KIAA0586: variants seen among roughly 807,000 people sequenced by gnomAD.
KIAA0586 encodes KIAA0586, also known as protein TALPID3.
Under a neutral mutation model 169.8 loss-of-function variants are expected in KIAA0586, and 144 were observed. The observed-to-expected ratio is 0.85, with a 90% CI of 0.74 to 0.97. The LOEUF (loss-of-function observed/expected upper bound fraction) is 0.97, where lower values mean the gene tolerates loss of function less well. Ranked by LOEUF, KIAA0586 falls within the 50% of genes least tolerant of loss-of-function variation. KIAA0586 has a pLI of 0.00. For missense variants in KIAA0586, 1,854 were observed against 1,823.0 expected (o/e 1.02, Z -0.31); for synonymous variants, 625 against 612.4 (o/e 1.02, Z -0.30).
intron 27 of KIAA0586, among the ~76,000 whole-genome samples, chr14:58,500,089 T>C (rs1333547449): frequency 6.6e-6 from 1 of 152,248 alleles, no homozygotes; most frequent in East Asian, 1.9e-4. Flanking sequence ...CTAGCATATA[T>C]AGTTGACTCT....
chr14:58,450,546 CAAGTT>C (rs2039281360), intron 7 of KIAA0586, 28 bp from the exon 8 acceptor site: 1 of 1,329,890 alleles, frequency 7.5e-7, no homozygotes. Context: ...TTTTTAAAAG[CAAGTT>C]AAGTTTTTAA....
chr14:58,434,252 G>A (rs1454470716), intron 4 of KIAA0586, among the ~76,000 whole-genome samples: 1 of 152,122 alleles, frequency 6.6e-6, no homozygotes, highest in African/African-American at 2.4e-5. Context: ...AGAATACAGT[G>A]TATTAAGAAT....
intron 27 of KIAA0586, among the ~76,000 whole-genome samples, chr14:58,506,749 C>G (rs890073903): frequency 8.6e-5 from 13 of 151,792 alleles, no homozygotes; most frequent in Non-Finnish European, 2.9e-5. Context: ...CATTGAAAAC[C>G]TAGATTAACA....
intron 9 of KIAA0586, among the ~76,000 whole-genome samples, chr14:58,455,199 A>G (rs944505270): frequency 2.0e-5 from 3 of 151,318 alleles, no homozygotes; most frequent in Non-Finnish European, 4.4e-5. Flanking sequence ...AATGTTTTCT[A>G]TCTCTATTGA....
intron 17 of KIAA0586, 132 bp downstream of exon 17, chr14:58,470,855 CAA>C: frequency 1.9e-6 from 1 of 538,234 alleles, no homozygotes. Flanking sequence ...AGATTGAAAA[CAA>C]TTTTTTTTTT....
At chr14:58,515,595 A>G (rs2044693964) in intron 29 of KIAA0586, among the ~76,000 whole-genome samples, 1 of 152,154 alleles carries the variant, frequency 6.6e-6, no homozygotes, top group Admixed American at 6.5e-5. Flanking sequence ...TAATTTCAAA[A>G]CCATAGTTAT....
At chr14:58,467,233 C>T (rs1265594483) in intron 15 of KIAA0586, among the ~76,000 whole-genome samples, 3 of 152,146 alleles carry the variant, frequency 2.0e-5, no homozygotes, top group Non-Finnish European at 4.4e-5. Flanking sequence ...ATTTAATCCA[C>T]CCTATAAAGC....
intron 30 of KIAA0586, among the ~76,000 whole-genome samples, chr14:58,545,801 A>G (rs1285086413): frequency 6.6e-6 from 1 of 152,148 alleles, no homozygotes; most frequent in African/African-American, 2.4e-5. Context: ...GGATCACTTG[A>G]GACCAAGGAG....
In KIAA0586 at chr14:58,519,366, G is replaced by A. The variant is rs1679526678; in HGVS notation, c.4429+6739G>A. 2.6e-5 allele frequency among the ~76,000 whole-genome samples: 4 copies of A among 152,084 alleles called. No individual in the cohort carries two copies. The South Asian group carries it at 8.3e-4, about 32-fold the overall frequency. ...GAAGTCTTCCTGCCCCAGCTTCCAT[G>A]TAGCTAGGACTACAGGTGTGTGCCA... On this transcript the variant is annotated intron_variant, in intron 29 of 30. Transcript: ENST00000652326.
intron 12 of KIAA0586, 140 bp downstream of exon 12, chr14:58,458,685 A>G (rs1444284597): frequency 5.6e-6 from 3 of 538,372 alleles, no homozygotes; most frequent in East Asian, 3.3e-5. Flanking sequence ...CACTCTTTAT[A>G]TTTACTTAGT....
chr14:58,535,433 A>G (rs1289892577), intron 29 of KIAA0586, among the ~76,000 whole-genome samples: 1 of 152,250 alleles, frequency 6.6e-6, no homozygotes, highest in Non-Finnish European at 1.5e-5. Flanking sequence ...ATAAGCTTTA[A>G]TAATTGAATG....
chr14:58,490,243 A>G lies in KIAA0586; in HGVS notation c.3858+3A>G. On this transcript the variant is annotated splice_donor_region_variant and intron_variant, in intron 25 of 30. Transcript: ENST00000652326. ...CTCTGCATGATGCCGTTGAAATGGT[A>G]AGTAACGATTGACTCCAACACTGAA... 6.7e-7 allele frequency: 1 copy of G among 1,501,656 alleles called. No homozygotes were observed. Among genetic ancestry groups the G allele is most frequent in the Non-Finnish European group, 9.0e-7 (1 of 1,108,614 alleles). 93.0% of individuals were successfully genotyped at this position (1,501,656 alleles called of 1,614,324 possible).
chr14:58,458,984 CA>C (rs1566825991), intron 12 of KIAA0586, among the ~76,000 whole-genome samples: 1 of 152,104 alleles, frequency 6.6e-6, no homozygotes. Context: ...CTCACAACCA[CA>C]ATGGGCATGG....
Position 58,456,779 on chromosome 14 carries a change from A to G in KIAA0586, c.1331A>G (p.Gln444Arg). Residue 444 changes from glutamine to arginine, a missense_variant, in exon 10 of 31, where the codon CAA becomes CGA. Transcript: ENST00000652326. The stretch of plus-strand genomic sequence containing the variant: ...GATGATGTTCTTCATGACCTTGGCC[A>G]AAAAGAGAAAGAAACAAATAGCATG... ...KSDDVLHDLG[Q>R]KEKETNSMVQ... The G allele has an allele frequency of 6.2e-7, 1 of 1,600,304 alleles. No individual in the cohort carries two copies. Among genetic ancestry groups the G allele is most frequent in the Non-Finnish European group, 8.5e-7 (1 of 1,171,766 alleles).
chr14:58,437,411 A>G (rs1453154995), intron 4 of KIAA0586, among the ~76,000 whole-genome samples: 1 of 152,058 alleles, frequency 6.6e-6, no homozygotes, highest in Non-Finnish European at 1.5e-5. Flanking sequence ...TCAGGAGAAA[A>G]TGGAATATAA....
chr14:58,481,145 C>T (rs1049131232), intron 20 of KIAA0586, among the ~76,000 whole-genome samples: 1 of 152,184 alleles, frequency 6.6e-6, no homozygotes, highest in Non-Finnish European at 1.5e-5. Context: ...TTACTTACCC[C>T]GTCAACAAGT....
intron 6 of KIAA0586, among the ~76,000 whole-genome samples, chr14:58,445,228 A>G (rs2038774964): frequency 1.3e-5 from 2 of 152,146 alleles, no homozygotes; most frequent in African/African-American, 2.4e-5. Flanking sequence ...CCTGGCAATC[A>G]TTGAAAGCTT....
intron 20 of KIAA0586, among the ~76,000 whole-genome samples, chr14:58,478,225 G>A (rs1377593532): frequency 6.6e-6 from 1 of 152,220 alleles, no homozygotes; most frequent in Non-Finnish European, 1.5e-5. Context: ...GCTCACGCCT[G>A]TAATCGCAGC....
chr14:58,544,718 T>C (rs866425144), intron 30 of KIAA0586, among the ~76,000 whole-genome samples: 1 of 152,218 alleles, frequency 6.6e-6, no homozygotes, highest in African/African-American at 2.4e-5. Flanking sequence ...AATACATTTG[T>C]TTTAAGTTCC....
Sources: gnomAD v4.1 joint callset for allele counts (sites outside exome capture counted in the v4.1 genomes callset) on GRCh38, gnomAD v4.1.1 for gene constraint, MANE v1.5 for transcripts, NCBI Gene and HGNC (gene_info 2026-07-23, HGNC 2026-07-21) for gene names.